PDIA2: variants seen among roughly 807,000 people sequenced by gnomAD.
PDIA2 encodes the protein protein disulfide-isomerase A2.
In PDIA2, 76 loss-of-function variants were observed where a neutral mutation model predicts 51.1. The ratio of observed to expected loss-of-function variants is 1.49; its 90% CI spans 1.24 to 1.80. The LOEUF (loss-of-function observed/expected upper bound fraction) is 1.80. Ranked by LOEUF, PDIA2 falls within the 40% of genes most tolerant of loss-of-function variation. PDIA2 has a pLI of 0.00. For missense variants in PDIA2, 946 were observed against 706.5 expected, an observed-to-expected ratio of 1.34 and a Z score of -3.84; for synonymous variants, 429 against 309.9, an observed-to-expected ratio of 1.38 and a Z score of -4.04.
rs530837131 is a variant in PDIA2 at position 285,868 on chromosome 16, C to A, written c.1119+165C>A. Among the ~76,000 whole-genome samples, 161 of 145,066 alleles carry A rather than the reference C, an allele frequency of 1.1e-3. 3 individuals are homozygous for A. The East Asian group carries it at 0.024, about 22-fold the overall frequency. On this transcript the variant is annotated intron_variant, in intron 7 of 10. Transcript: ENST00000219406. ...AACCCGGCGGTTCTCCCAACCCCAA[C>A]CCGGCGGTTCTCCCAACCCCAAACC...
chr16:286,804 G>A (rs201141634), intron 9 of PDIA2, 31 bp from the exon 10 acceptor site: 82 of 1,611,282 alleles, frequency 5.1e-5, no homozygotes, highest in South Asian at 4.7e-4. Context: ...TGGGCCCCAC[G>A]TGTCCTCCAG....
At position 284,764 on chromosome 16, in the gene PDIA2, G is replaced by A. The variant is rs768709968; in HGVS notation, c.512G>A (p.Arg171Gln). Reference sequence around the variant, plus strand: ...GCCGCCCAGGCGCTGATCGGTGGCCGGGACCTAGTGGTCATTGGCTTCTTC... The same window carrying A: ...GCCGCCCAGGCGCTGATCGGTGGCCAGGACCTAGTGGTCATTGGCTTCTTC... ...EAAAQALIGGRDLVVIGFFQD... is the reference protein window; with the variant it reads ...EAAAQALIGGQDLVVIGFFQD... Residue 171 changes from arginine to glutamine, a missense_variant, in exon 3 of 11, where the codon CGG (arginine) becomes CAG (glutamine). Transcript: ENST00000219406. The A allele has an allele frequency of 1.8e-5, 28 of 1,562,716 alleles. No individual in the cohort carries two copies. Among genetic ancestry groups the A allele is most frequent in the South Asian group, 8.3e-5 (7 of 84,050 alleles).
chr16:283,921 GTGGC>G (rs1210318084), intron 1 of PDIA2, among the ~76,000 whole-genome samples: 2 of 152,208 alleles, frequency 1.3e-5, no homozygotes, highest in Non-Finnish European at 2.9e-5. Context: ...CTGGAGTGCA[GTGGC>G]CCTATCTCGG....
At position 285,312 on chromosome 16, in the gene PDIA2, A is replaced by G. The variant is rs1366625634; in HGVS notation, c.796A>G (p.Thr266Ala). The change falls in exon 6 of 11, where the codon ACG becomes GCG. Residue 266 changes from threonine (T) to alanine (A), a missense_variant and splice_region_variant. By Grantham distance (58) the Thr-to-Ala change is moderately conservative (BLOSUM62 0). Transcript: ENST00000219406. ...GTCATGAGCACCCTCCCTACTGTAG[A>G]CGTCTGCCAAGATCTTCGCGGCCAG... ...MRLVTEFNSQ[T>A]SAKIFAARIL... The G allele has an allele frequency of 6.2e-7, 1 of 1,612,490 alleles. No individual in the cohort carries two copies. The highest frequency in any genetic ancestry group is 8.5e-7 in the Non-Finnish European group (1 of 1,179,824).
At chr16:283,952 C>T (rs903993618) in intron 1 of PDIA2, among the ~76,000 whole-genome samples, 1 of 152,216 alleles carries the variant, frequency 6.6e-6, no homozygotes, top group Admixed American at 6.5e-5. Context: ...GCAACCTCCG[C>T]CTCCCAGGTT....
intron 2 of PDIA2, 26 bp from the exon 3 acceptor site, chr16:284,633 C>T (rs373397966): frequency 1.2e-6 from 2 of 1,603,246 alleles, no homozygotes; most frequent in African/African-American, 2.7e-5. Flanking sequence ...GGTGGCCAGG[C>T]CGAGGCTGAG....
Position 285,172 on chromosome 16 carries a change from T to A in PDIA2, c.767T>A (p.Met256Lys), listed in dbSNP as rs886348559. 1 of 1,613,076 alleles carries A rather than the reference T, an allele frequency of 6.2e-7. No individual in the cohort carries two copies. The highest frequency in any genetic ancestry group is 8.5e-7 in the Non-Finnish European group (1 of 1,179,976). ...DLSRFLVTHS[M>K]RLVTEFNSQT... ...TCGCGCTTCCTGGTCACACACAGCA[T>A]GCGCCTGGTCACGGAGTTCAACAGC... The change falls in exon 5 of 11, where the codon ATG becomes AAG. Residue 256 changes from methionine to lysine, a missense_variant. Physicochemically the swap from Met to Lys is moderately conservative, Grantham distance 95. Coordinates refer to ENST00000219406, the MANE Select transcript of PDIA2 (RefSeq NM_006849.4).
At position 284,784 on chromosome 16, in the gene PDIA2, T is replaced by A; in HGVS notation, c.532T>A (p.Phe178Ile). ...TGGCCGGGACCTAGTGGTCATTGGC[T>A]TCTTCCAGGTGAGCCACTGGGCATG... Reference protein sequence around the residue: ...IGGRDLVVIGFFQDLQDEDVA... With the variant: ...IGGRDLVVIGIFQDLQDEDVA... Residue 178 changes from phenylalanine to isoleucine, a missense_variant, in exon 3 of 11, where the codon TTC (phenylalanine) becomes ATC (isoleucine). Physicochemically the swap from Phe to Ile is conservative, Grantham distance 21. Coordinates refer to ENST00000219406, the MANE Select transcript of PDIA2 (RefSeq NM_006849.4). 1 of 1,571,474 alleles carries A rather than the reference T, an allele frequency of 6.4e-7. No homozygotes were observed. The highest frequency in any genetic ancestry group is 8.6e-7 in the Non-Finnish European group (1 of 1,162,208).
At chr16:286,001 CCCAACCCCAACCCCGCGGTTCT>C (rs2052364446) in intron 7 of PDIA2, among the ~76,000 whole-genome samples, 3 of 110,768 alleles carry the variant, frequency 2.7e-5, no homozygotes, top group Non-Finnish European at 5.8e-5. Context: ...CCGCGGTTCT[CCCAACCCCAACCCCGCGGTTCT>C]CCAACCCCGC....
At position 286,339 on chromosome 16, in the gene PDIA2, C is replaced by T; in HGVS notation, c.1120-14C>T. On this transcript the variant is annotated splice_polypyrimidine_tract_variant and intron_variant, in intron 7 of 10. Coordinates refer to ENST00000219406, the MANE Select transcript of PDIA2 (RefSeq NM_006849.4). ...GAGGACCCCTGGCAAAGCGCCTGTC[C>T]TGGTTTCCCCCAGCCCTATCTCCTG... The T allele has an allele frequency of 1.2e-6, 2 of 1,602,902 alleles. No homozygotes were observed.
Position 286,868 on chromosome 16 carries a change from A to ACTTT in PDIA2, c.1459_1462dup (p.Ser488PhefsTer70). The ACTTT allele has an allele frequency of 4.4e-6, 7 of 1,607,806 alleles. No individual in the cohort carries two copies. The highest frequency in any genetic ancestry group is 5.9e-6 in the Non-Finnish European group (7 of 1,178,184). ...ATACAAAAGCACCAGGGACCTGGAG[A>ACTTT]CTTTCTCCAAGTTCCTGGACAACGG... is the stretch of plus-strand genomic sequence containing the variant. On this transcript the variant is annotated frameshift_variant, in exon 10 of 11. Transcript: ENST00000219406. LOFTEE classifies it high-confidence loss of function.
In PDIA2 at chr16:285,025, G is replaced by A. The variant is rs773428463; in HGVS notation, c.678+10G>A. On this transcript the variant is annotated intron_variant, in intron 4 of 10. Transcript: ENST00000219406. ...GGTTCTCTTCAAGAAGGTAGGTCAG[G>A]CCCAGGTGTGGGTTGGGGTCCGGCT... is the stretch of plus-strand genomic sequence containing the variant. The A allele has an allele frequency of 1.2e-6, 2 of 1,613,300 alleles. No homozygotes were observed. Among genetic ancestry groups the A allele is most frequent in the Non-Finnish European group, 1.7e-6 (2 of 1,180,008 alleles).
At position 285,440 on chromosome 16, in the gene PDIA2, A is replaced by G; in HGVS notation, c.921+3A>G. On this transcript the variant is annotated splice_donor_region_variant and intron_variant, in intron 6 of 10. Transcript: ENST00000219406. ...CAGCTCCCCGCTTCCGGGGGCAGGT[A>G]CTGGGGGGCTGGGGGAAAGGGGCAG... is the stretch of plus-strand genomic sequence containing the variant. 6.3e-7 allele frequency: 1 copy of G among 1,588,880 alleles called. No homozygotes were observed. Among genetic ancestry groups the G allele is most frequent in the Non-Finnish European group, 8.6e-7 (1 of 1,162,676 alleles).
chr16:286,852 C>T lies in PDIA2; in HGVS notation c.1440C>T (p.Ser480=), dbSNP rs1416834308. ...GPGRKVIEYK[S]TRDLETFSKF... ...CTTCTCAGGTGATTGAATACAAAAG[C>T]ACCAGGGACCTGGAGACTTTCTCCA... The change falls in exon 10 of 11, where the codon AGC becomes AGT. Residue 480 remains serine (S), a synonymous_variant. Coordinates refer to ENST00000219406, the MANE Select transcript of PDIA2 (RefSeq NM_006849.4). The T allele has an allele frequency of 1.2e-6, 2 of 1,610,086 alleles. No homozygotes were observed. Among genetic ancestry groups the T allele is most frequent in the South Asian group, 1.1e-5 (1 of 90,742 alleles).
At position 286,650 on chromosome 16, in the gene PDIA2, T is replaced by G; in HGVS notation, c.1337T>G (p.Leu446Arg). Residue 446 changes from leucine to arginine, a missense_variant, in exon 9 of 11, where the codon CTG becomes CGG. Transcript: ENST00000219406. ...QDHEDIIIAE[L>R]DATANELDAF... ...CACGAGGACATCATCATTGCTGAGCTGGATGCCACGGCCAACGAGCTGGAT... is the reference window on the plus strand; with the variant it reads ...CACGAGGACATCATCATTGCTGAGCGGGATGCCACGGCCAACGAGCTGGAT... The G allele has an allele frequency of 6.2e-7, 1 of 1,612,676 alleles. No homozygotes were observed. Among genetic ancestry groups the G allele is most frequent in the South Asian group, 1.1e-5 (1 of 91,078 alleles).
rs868524961 is a variant in PDIA2, at chr16:285,894, C to G, written c.1119+191C>G. Reference sequence around the variant, plus strand: ...CCGGCGGTTCTCCCAACCCCAAACCCGCGGTTCTCCCAACCCCAACCCCGC... The same window carrying G: ...CCGGCGGTTCTCCCAACCCCAAACCGGCGGTTCTCCCAACCCCAACCCCGC... On this transcript the variant is annotated intron_variant, in intron 7 of 10. Coordinates refer to ENST00000219406, the MANE Select transcript of PDIA2 (RefSeq NM_006849.4). Among the ~76,000 whole-genome samples, 82 of 97,282 alleles carry G rather than the reference C, an allele frequency of 8.4e-4. 1 individual carries two copies. Among genetic ancestry groups the G allele is most frequent in the South Asian group, 6.5e-3 (23 of 3,540 alleles). The allele number at this position is 97,282 out of a possible 152,430, so 63.8% of individuals were successfully genotyped here. A position where few individuals can be genotyped will look rare whatever the true frequency, so the allele number is the denominator to read the frequency against.
Position 287,110 on chromosome 16 carries a change from G to GT in PDIA2, c.1576dup (p.Ter526LeufsTer31). 6.2e-7 allele frequency: 1 copy of GT among 1,612,664 alleles called. No homozygotes were observed. Among genetic ancestry groups the GT allele is most frequent in the South Asian group, 1.1e-5 (1 of 91,066 alleles). On this transcript the variant is annotated frameshift_variant, in exon 11 of 11. Coordinates refer to ENST00000219406, the MANE Select transcript of PDIA2 (RefSeq NM_006849.4). LOFTEE classifies it high-confidence loss of function. ...CCACTATGGGGTCCAAGGAGGAACT[G>GT]TAGCTGCCCCCGTGTCACCCCCGCC...
At chr16:287,047 C>G (rs372849502) in intron 10 of PDIA2, 22 bp from the exon 11 acceptor site, 5 of 1,612,762 alleles carry the variant, frequency 3.1e-6, no homozygotes, top group Non-Finnish European at 3.4e-6. Flanking sequence ...GAGCTTCGAG[C>G]TGCACTTGTG....
At chr16:285,783 C>A in intron 7 of PDIA2, 80 bp downstream of exon 7, 2 of 1,463,248 alleles carry the variant, frequency 1.4e-6, no homozygotes, top group Non-Finnish European at 1.9e-6. Flanking sequence ...AACAGCAGCT[C>A]TCAGAGCCCC....
Sources: allele counts gnomAD v4.1 joint callset (sites outside exome capture counted in the v4.1 genomes callset), GRCh38; gene constraint gnomAD v4.1.1; transcripts MANE v1.5; gene names NCBI Gene and HGNC (gene_info 2026-07-23, HGNC 2026-07-21).